KLHL13: variants seen among roughly 807,000 people sequenced by gnomAD.
The protein encoded by KLHL13 is kelch-like protein 13.
Under a neutral mutation model 37.1 loss-of-function variants are expected in KLHL13, and 10 were observed. That is an observed-to-expected ratio of 0.27 (90% CI 0.17 to 0.46). KLHL13 has a LOEUF of 0.46. KLHL13 is among the 20% of genes least tolerant of loss of function. KLHL13 has a pLI of 1.00. For missense variants in KLHL13, 360 were observed against 509.3 expected (o/e 0.71, Z 2.82); for synonymous variants, 163 against 181.2 (o/e 0.90, Z 0.81).
intron 1 of KLHL13, among the ~76,000 whole-genome samples, chrX:118,111,015 T>C (rs1298513986): frequency 8.9e-6 from 1 of 112,407 alleles, no homozygotes; most frequent in East Asian, 2.8e-4. Context: ...TAAATCAGTA[T>C]ATATTTACAT....
intron 1 of KLHL13, among the ~76,000 whole-genome samples, chrX:118,092,509 A>G (rs962272802): frequency 8.9e-6 from 1 of 111,860 alleles, no homozygotes; most frequent in Non-Finnish European, 1.9e-5. Flanking sequence ...ATAAAGGAAA[A>G]CTAAGATTTT....
chrX:118,047,524 A>G (rs1004664766), intron 1 of KLHL13, among the ~76,000 whole-genome samples: 2 of 112,483 alleles, frequency 1.8e-5, no homozygotes, highest in East Asian at 2.8e-4. Context: ...CAAGAAGCAC[A>G]TATAAAACCA....
intron 1 of KLHL13, among the ~76,000 whole-genome samples, chrX:117,965,791 T>A (rs1035043893): frequency 9.0e-6 from 1 of 111,552 alleles, no homozygotes; most frequent in Non-Finnish European, 1.9e-5. Context: ...TAAACAGAAC[T>A]AACAACAAAA....
intron 1 of KLHL13, among the ~76,000 whole-genome samples, chrX:118,026,780 A>T (rs1271276499): frequency 8.9e-6 from 1 of 112,165 alleles, no homozygotes. Context: ...GGTTCAGCTT[A>T]CACAACTCCA....
At chrX:118,008,493 A>C (rs2054013425) in intron 1 of KLHL13, among the ~76,000 whole-genome samples, 1 of 111,778 alleles carries the variant, frequency 8.9e-6, no homozygotes, top group Non-Finnish European at 1.9e-5. Context: ...CAGAAATAAG[A>C]TCTAATACTA....
At chrX:118,020,448 T>C (rs1336151744) in intron 1 of KLHL13, among the ~76,000 whole-genome samples, 1 of 111,380 alleles carries the variant, frequency 9.0e-6, no homozygotes, top group Non-Finnish European at 1.9e-5. Flanking sequence ...TAAGATACCA[T>C]CTCACACCAG....
At chrX:118,021,786 G>C (rs947731322) in intron 1 of KLHL13, among the ~76,000 whole-genome samples, 2 of 111,375 alleles carry the variant, frequency 1.8e-5, no homozygotes, top group African/African-American at 6.6e-5. Context: ...TGGCATTTCT[G>C]GTTCTAGATC....
intron 1 of KLHL13, among the ~76,000 whole-genome samples, chrX:117,948,793 G>C (rs985937767): frequency 1.8e-5 from 2 of 111,872 alleles, no homozygotes; most frequent in Non-Finnish European, 3.8e-5. Flanking sequence ...CAAAGTGTAC[G>C]TGAATCACTC....
At chrX:117,994,234 C>T (rs768789821) in intron 1 of KLHL13, among the ~76,000 whole-genome samples, 2 of 109,677 alleles carry the variant, frequency 1.8e-5, no homozygotes, top group Admixed American at 9.8e-5. Flanking sequence ...TCCCCCTCTT[C>T]CTTCTTTCCT....
At chrX:117,979,876 T>A (rs1434584706) in intron 1 of KLHL13, among the ~76,000 whole-genome samples, 1 of 111,932 alleles carries the variant, frequency 8.9e-6, no homozygotes, top group Non-Finnish European at 1.9e-5. Flanking sequence ...TGTTTAGTCA[T>A]CTCTCAGCAA....
chrX:117,946,280 A>C (rs1482093861), intron 1 of KLHL13: 1 of 112,050 alleles, frequency 8.9e-6, no homozygotes, highest in Admixed American at 9.5e-5. Flanking sequence ...ATCTAGTCAC[A>C]TTTCCATCTT....
chrX:118,020,010 T>C lies in KLHL13; in HGVS notation c.-55-74435A>G, dbSNP rs1177212317. On this transcript the variant is annotated intron_variant, in intron 1 of 6. Coordinates refer to the KLHL13 transcript ENST00000371882. ...TGGTTCCATATGAACTTTAAAGTAGTTTTTTCCAATTCTGTGAAGAAAGTC... is the reference window on the plus strand; with the variant it reads ...TGGTTCCATATGAACTTTAAAGTAGCTTTTTCCAATTCTGTGAAGAAAGTC... Among the ~76,000 whole-genome samples the C allele has an allele frequency of 6.4e-5, 7 of 109,871 alleles. 1 individual carries two copies. The Admixed American group carries it at 6.8e-4, about 11-fold the overall frequency.
intron 3 of KLHL13, 39 bp downstream of exon 4, chrX:117,920,199 T>A (rs953189350): frequency 8.6e-7 from 1 of 1,165,640 alleles, no homozygotes; most frequent in Admixed American, 2.6e-5. Context: ...TTTTTCATAT[T>A]GTTTTAATGT....
At chrX:118,016,019 T>A (rs2054124837) in intron 1 of KLHL13, among the ~76,000 whole-genome samples, 1 of 111,872 alleles carries the variant, frequency 8.9e-6, no homozygotes, top group Admixed American at 9.5e-5. Flanking sequence ...AAAACCAAAT[T>A]ATGATAAATT....
chrX:118,053,399 C>A (rs776407152), intron 1 of KLHL13, among the ~76,000 whole-genome samples: 2 of 111,324 alleles, frequency 1.8e-5, no homozygotes, highest in African/African-American at 6.5e-5. Flanking sequence ...GACAAAAAAC[C>A]AAACACCGAA....
intron 1 of KLHL13, among the ~76,000 whole-genome samples, chrX:117,955,056 G>A (rs140456083): frequency 1.6e-3 from 180 of 111,896 alleles, no homozygotes; most frequent in African/African-American, 5.4e-3. Context: ...CAAAAAGCAC[G>A]TTAAGAAAGA....
chrX:118,053,798 T>A (rs79427241), intron 1 of KLHL13, among the ~76,000 whole-genome samples: 2,476 of 25,423 alleles, frequency 0.097, 291 homozygotes, highest in Middle Eastern at 0.29. Flanking sequence ...TGTGTGTGTG[T>A]GAGAGAGAGA....
intron 1 of KLHL13, among the ~76,000 whole-genome samples, chrX:118,045,681 T>C (rs920435392): frequency 1.8e-5 from 2 of 110,590 alleles, no homozygotes; most frequent in African/African-American, 6.6e-5. Flanking sequence ...TGGTGGTGCA[T>C]GCCTGTAATC....
chrX:117,943,232 G>A (rs1241421588), intron 2 of KLHL13, among the ~76,000 whole-genome samples: 1 of 111,458 alleles, frequency 9.0e-6, no homozygotes, highest in Non-Finnish European at 1.9e-5. Flanking sequence ...TAGGTAACCC[G>A]ACCTGTCTCT....
Sources: allele counts gnomAD v4.1 joint callset (sites outside exome capture counted in the v4.1 genomes callset), GRCh38; gene constraint gnomAD v4.1.1; transcripts MANE v1.5; gene names NCBI Gene and HGNC (gene_info 2026-07-23, HGNC 2026-07-21).